The following EIF5B variants were observed in gnomAD, a reference collection of about 807,000 sequenced individuals.
The protein encoded by EIF5B is eIF-5B.
A neutral mutation model predicts 147.5 loss-of-function variants in EIF5B; 47 were observed. That is an observed-to-expected ratio of 0.32 (90% CI 0.25 to 0.41). The LOEUF is 0.41. Ranked by LOEUF, EIF5B falls within the 10% of genes least tolerant of loss-of-function variation. The pLI is 1.00. For synonymous variants in EIF5B, 455 were observed against 456.2 expected (o/e 1.00, Z 0.03); for missense variants, 1,064 against 1,413.2 (o/e 0.75, Z 3.96).
chr2:99,398,964 G>A, intron 23 of EIF5B, 55 bp downstream of exon 23: 1 of 1,574,726 alleles, frequency 6.4e-7, no homozygotes, highest in Non-Finnish European at 8.6e-7. Flanking sequence ...CACTCTTCTT[G>A]GGTCACCTGT....
At chr2:99,373,861 C>T (rs7589365) in intron 9 of EIF5B, among the ~76,000 whole-genome samples, 68,046 of 151,666 alleles carry the variant, frequency 0.45, 15,466 homozygotes, top group Admixed American at 0.59. Context: ...AGTTGTATAC[C>T]TTTCAAACAA....
At chr2:99,338,459 G>A in intron 1 of EIF5B, 2 of 604,748 alleles carry the variant, frequency 3.3e-6, no homozygotes, top group Non-Finnish European at 5.4e-6. Context: ...ATACGAGGCG[G>A]AGAGTAAGGT....
chr2:99,358,280 A>G (rs1674136183), intron 1 of EIF5B, among the ~76,000 whole-genome samples: 1 of 151,968 alleles, frequency 6.6e-6, no homozygotes. Flanking sequence ...TTGGCCAGGC[A>G]GGTCTCGAAC....
intron 1 of EIF5B, among the ~76,000 whole-genome samples, chr2:99,342,564 A>G (rs969318472): frequency 1.3e-5 from 2 of 151,994 alleles, no homozygotes; most frequent in Non-Finnish European, 2.9e-5. Context: ...GTTGCTGTTA[A>G]TGTAATCATT....
At chr2:99,374,643 C>T (rs1674527039) in intron 9 of EIF5B, among the ~76,000 whole-genome samples, 1 of 152,178 alleles carries the variant, frequency 6.6e-6, no homozygotes. Context: ...TTCCCTTGCC[C>T]TGGCTTTCAT....
chr2:99,355,833 G>A (rs1323032611), intron 1 of EIF5B, among the ~76,000 whole-genome samples: 1 of 151,910 alleles, frequency 6.6e-6, no homozygotes, highest in Non-Finnish European at 1.5e-5. Flanking sequence ...GGCTGGTCTC[G>A]AACTTCTGAC....
chr2:99,354,106 T>TA (rs1044965864), intron 1 of EIF5B, among the ~76,000 whole-genome samples: 1 of 152,268 alleles, frequency 6.6e-6, no homozygotes, highest in Non-Finnish European at 1.5e-5. Context: ...AAGAAACTGA[T>TA]AGACTGTTTT....
chr2:99,342,615 CTT>C (rs560820567), intron 1 of EIF5B, among the ~76,000 whole-genome samples: 78 of 123,068 alleles, frequency 6.3e-4, no homozygotes, highest in Non-Finnish European at 1.1e-3. Flanking sequence ...AAAATTTTGT[CTT>C]TTTTGTCTCC....
At chr2:99,341,688 G>A (rs1453454652) in intron 1 of EIF5B, among the ~76,000 whole-genome samples, 2 of 152,114 alleles carry the variant, frequency 1.3e-5, no homozygotes, top group Non-Finnish European at 2.9e-5. Flanking sequence ...ATATCTACCA[G>A]TTACAGGTAT....
intron 17 of EIF5B, among the ~76,000 whole-genome samples, chr2:99,392,025 A>T (rs1447531810): frequency 6.6e-6 from 1 of 151,550 alleles, no homozygotes; most frequent in Admixed American, 6.6e-5. Flanking sequence ...TGCCTGGCCT[A>T]TATCTGGCTT....
intron 1 of EIF5B, among the ~76,000 whole-genome samples, chr2:99,355,215 A>G (rs1345428085): frequency 6.6e-6 from 1 of 152,210 alleles, no homozygotes. Context: ...GAAATCTGGT[A>G]GTATGATTCC....
At chr2:99,394,953 A>T in intron 21 of EIF5B, 70 bp downstream of exon 21, 2 of 1,395,210 alleles carry the variant, frequency 1.4e-6, no homozygotes, top group Non-Finnish European at 1.9e-6. Context: ...GAATTCCAGA[A>T]AGGGCTGTAA....
At chr2:99,371,856 C>A in intron 9 of EIF5B, 126 bp downstream of exon 9, 1 of 788,746 alleles carries the variant, frequency 1.3e-6, no homozygotes, top group Non-Finnish European at 1.8e-6. Context: ...GGATAAGTCT[C>A]TTGTTCTCTC....
chr2:99,384,665 A>T (rs1674763526), intron 14 of EIF5B, among the ~76,000 whole-genome samples: 1 of 152,230 alleles, frequency 6.6e-6, no homozygotes, highest in African/African-American at 2.4e-5. Flanking sequence ...AGTTTGGAAG[A>T]AGCTGATTTC....
At position 99,390,732 on chromosome 2, in the gene EIF5B, C is replaced by T. The variant is rs146100107; in HGVS notation, c.2748+27C>T. Reference sequence around the variant, plus strand: ...TATGCTGAGGTGGGAAGCATTGACACGTGGGGACTTGTACAGTGTTTAGAA... The same window carrying T: ...TATGCTGAGGTGGGAAGCATTGACATGTGGGGACTTGTACAGTGTTTAGAA... On this transcript the variant is annotated intron_variant, in intron 17 of 23. Coordinates refer to ENST00000289371, the MANE Select transcript of EIF5B (RefSeq NM_015904.4). 5.5e-5 allele frequency: 87 copies of T among 1,586,326 alleles called. No individual in the cohort carries two copies. In the African/African-American group the frequency reaches 1.0e-3, roughly 19 times the overall value.
At position 99,394,882 on chromosome 2, in the gene EIF5B, A is replaced by G; in HGVS notation, c.3253A>G (p.Lys1085Glu). Reference sequence around the variant, plus strand: ...CAAGAAACAGAAACAAGAAGAATTTAAGTAAGTTACTGTTTTTATTTACTT... The same window carrying G: ...CAAGAAACAGAAACAAGAAGAATTTGAGTAAGTTACTGTTTTTATTTACTT... ...DYKKQKQEEFKHIAVFPCKIK... is the reference protein window; with the variant it reads ...DYKKQKQEEFEHIAVFPCKIK... Residue 1085 changes from lysine (K) to glutamate (E), a missense_variant and splice_region_variant, in exon 21 of 24, where the codon AAG becomes GAG. Physicochemically the swap from Lys to Glu is moderately conservative, Grantham distance 56 (BLOSUM62 1). This residue lies in a region of EIF5B where 380 missense variants were observed against 715.6 expected (regional missense o/e 0.53). Coordinates refer to ENST00000289371, the MANE Select transcript of EIF5B (RefSeq NM_015904.4). 1 of 1,562,578 alleles carries G rather than the reference A, an allele frequency of 6.4e-7. No individual in the cohort carries two copies.
At chr2:99,370,856 G>A (rs1574930596) in intron 8 of EIF5B, among the ~76,000 whole-genome samples, 3 of 152,152 alleles carry the variant, frequency 2.0e-5, no homozygotes, top group South Asian at 2.1e-4. Context: ...TTGGGGTTAT[G>A]AGCACAGCAT....
In EIF5B at chr2:99,390,347, C is replaced by T. The variant is rs1395370357; in HGVS notation, c.2532C>T (p.Thr844=). 1 of 1,613,746 alleles carries T rather than the reference C, an allele frequency of 6.2e-7. No individual in the cohort carries two copies. Among genetic ancestry groups the T allele is most frequent in the Non-Finnish European group, 8.5e-7 (1 of 1,180,002 alleles). Residue 844 remains threonine (T), a synonymous_variant, in exon 16 of 24, where the codon ACC becomes ACT. Coordinates refer to ENST00000289371, the MANE Select transcript of EIF5B (RefSeq NM_015904.4). ...LIYLLVELTQ[T]MLSKRLAHCE... ...ACCTTCTTGTAGAGTTAACTCAGAC[C>T]ATGTTGAGCAAGAGACTTGCACACT... is the stretch of plus-strand genomic sequence containing the variant.
rs751552752 is a variant in EIF5B, at chr2:99,352,851, G to A, written c.36-7385G>A. 1.3e-5 allele frequency among the ~76,000 whole-genome samples: 2 copies of A among 151,834 alleles called. 1 individual carries two copies. The highest frequency in any genetic ancestry group is 4.2e-4 in the South Asian group (2 of 4,798). ...TATAGATTCATATAGTTGAGACAGG[G>A]TCTCACTCTGTCGTTCAAGTTGGAG... On this transcript the variant is annotated intron_variant, in intron 1 of 23. Coordinates refer to ENST00000289371, the MANE Select transcript of EIF5B (RefSeq NM_015904.4).
Sources: gnomAD v4.1 joint callset for allele counts (sites outside exome capture counted in the v4.1 genomes callset) on GRCh38, gnomAD v4.1.1 for gene constraint, gnomAD v4.1.1 regional missense constraint, MANE v1.5 for transcripts, NCBI Gene and HGNC (gene_info 2026-07-23, HGNC 2026-07-21) for gene names.